KDM1A: variants seen among roughly 807,000 people sequenced by gnomAD.
KDM1A encodes the protein lysine-specific histone demethylase 1A.
In KDM1A, 49 loss-of-function variants were observed where a neutral mutation model predicts 109.4. The observed-to-expected ratio is 0.45, with a 90% confidence interval of 0.36 to 0.57. The LOEUF is 0.57. Among genes scored for constraint, KDM1A ranks in the 20% least tolerant of loss-of-function variants. The pLI, the probability that KDM1A is intolerant of heterozygous loss-of-function variation, is 0.00. For synonymous variants in KDM1A, 380 were observed against 415.4 expected, an observed-to-expected ratio of 0.91 and a Z score of 1.04; for missense variants, 668 against 1,116.6, an observed-to-expected ratio of 0.60 and a Z score of 5.73.
chr1:23,030,731 T>C, intron 2 of KDM1A, 97 bp downstream of exon 2: 2 of 1,299,554 alleles, frequency 1.5e-6, no homozygotes. Context: ...TCTTTATCTT[T>C]GGTTTATAAT....
At position 23,035,599 on chromosome 1, in the gene KDM1A, A is replaced by G. The variant is rs576605477; in HGVS notation, c.517+4965A>G. On this transcript the variant is annotated intron_variant, in intron 2 of 20. Transcript: ENST00000400181. ...ATAAATTTGGGGGCTTGTTCACATA[A>G]TAATCATACTGTAGGTTGAAAATAT... Among the ~76,000 whole-genome samples, 14 of 152,346 alleles carry G rather than the reference A, an allele frequency of 9.2e-5. No homozygotes were observed. The South Asian group carries it at 2.9e-3, about 32-fold the overall frequency.
chr1:23,061,153 G>A (rs1642988505), intron 9 of KDM1A, among the ~76,000 whole-genome samples: 1 of 152,198 alleles, frequency 6.6e-6, no homozygotes, highest in South Asian at 2.1e-4. Context: ...TTGTCCTCAG[G>A]TGGGGCCTGC....
At chr1:23,062,621 C>T (rs1643031209) in intron 9 of KDM1A, among the ~76,000 whole-genome samples, 1 of 152,116 alleles carries the variant, frequency 6.6e-6, no homozygotes, top group Admixed American at 6.6e-5. Flanking sequence ...TATTTTATGT[C>T]ATTGTTTTAA....
At position 23,071,207 on chromosome 1, in the gene KDM1A, T is replaced by G; in HGVS notation, c.1414-18T>G. 6.3e-7 allele frequency: 1 copy of G among 1,587,208 alleles called. No individual in the cohort carries two copies. The highest frequency in any genetic ancestry group is 2.2e-5 in the East Asian group (1 of 44,746). On this transcript the variant is annotated intron_variant, in intron 12 of 20. Transcript: ENST00000400181. The stretch of plus-strand genomic sequence containing the variant: ...ACATTGCTATCTGGAATGGTAAATT[T>G]GTATTTTTCCTTCTTAGATGGTAAA...
chr1:23,074,072 C>T (rs1272454318), intron 15 of KDM1A, among the ~76,000 whole-genome samples: 1 of 152,162 alleles, frequency 6.6e-6, no homozygotes, highest in Non-Finnish European at 1.5e-5. Context: ...AATTGCCTTC[C>T]CATCAGCAAT....
intron 10 of KDM1A, among the ~76,000 whole-genome samples, chr1:23,066,666 T>C (rs1266611040): frequency 6.6e-6 from 1 of 152,164 alleles, no homozygotes; most frequent in Non-Finnish European, 1.5e-5. Context: ...AAGCAACACA[T>C]AGAAATATCA....
At chr1:23,073,622 A>G (rs972917748) in intron 15 of KDM1A, among the ~76,000 whole-genome samples, 1 of 152,184 alleles carries the variant, frequency 6.6e-6, no homozygotes, top group Admixed American at 6.5e-5. Flanking sequence ...ATCATCCTGA[A>G]ATGTTTTCTC....
chr1:23,071,412 C>T, intron 13 of KDM1A, 53 bp downstream of exon 13: 1 of 1,527,092 alleles, frequency 6.5e-7, no homozygotes, highest in South Asian at 1.3e-5. Context: ...TAAGAAATAG[C>T]ACAGATCTGG....
chr1:23,068,465 A>G (rs1247530433), intron 10 of KDM1A, 74 bp from the exon 11 acceptor site: 4 of 1,244,172 alleles, frequency 3.2e-6, no homozygotes, highest in Non-Finnish European at 4.4e-6. Flanking sequence ...TATAAACTAT[A>G]GAGCATTTGT....
Position 23,083,560 on chromosome 1 carries a change from A to AGTTT in KDM1A, c.*198_*201dup. ...GAGCACAGGGAGGAACTTGTCCATT[A>AGTTT]GTTTGGAATTGTGTTCTTCGTAAAG... On this transcript the variant is annotated 3_prime_UTR_variant, in exon 21 of 21. Coordinates refer to ENST00000400181, the MANE Select transcript of KDM1A (RefSeq NM_001009999.3). The AGTTT allele has an allele frequency of 2.2e-6, 1 of 462,938 alleles. No individual in the cohort carries two copies. The highest frequency in any genetic ancestry group is 3.8e-6 in the Non-Finnish European group (1 of 261,576). The allele number at this position is 462,938 out of a possible 1,614,324, so 28.7% of individuals were successfully genotyped here. A position where few individuals can be genotyped will look rare whatever the true frequency, so the allele number is the denominator to read the frequency against.
rs967605 is a variant in KDM1A at position 23,073,439 on chromosome 1, C to T, written c.1734+36C>T. ...CTTATTGTTTATTTTATTGCACATG[C>T]CTTTGAGAGGGATTGTAAGAGAAAT... is the stretch of plus-strand genomic sequence containing the variant. On this transcript the variant is annotated intron_variant, in intron 15 of 20. Transcript: ENST00000400181. 0.8 allele frequency: 866,275 copies of T among 1,079,530 alleles called. 352,544 individuals are homozygous for T. Among genetic ancestry groups the T allele is most frequent in the Non-Finnish European group, 0.84 (584,265 of 697,520 alleles). The allele number at this position is 1,079,530 out of a possible 1,614,324, so 66.9% of individuals were successfully genotyped here. A position where few individuals can be genotyped will look rare whatever the true frequency, so the allele number is the denominator to read the frequency against.
At chr1:23,036,497 G>C (rs1014306822) in intron 2 of KDM1A, among the ~76,000 whole-genome samples, 1 of 138,228 alleles carries the variant, frequency 7.2e-6, no homozygotes, top group Non-Finnish European at 1.5e-5. Context: ...AACACATTTC[G>C]GTGTTCTGAT....
intron 2 of KDM1A, 33 bp downstream of exon 2, chr1:23,030,667 T>C: frequency 6.7e-7 from 1 of 1,489,906 alleles, no homozygotes; most frequent in East Asian, 2.4e-5. Flanking sequence ...AGTTCTGTTT[T>C]ATCTTAGAAA....
In KDM1A at chr1:23,083,365, GAC is replaced by G; in HGVS notation, c.*3_*4del. ...TGCACAGCAGTCCCCAAGCATGTGA[GAC>G]AGATGCATTCTAAGGGAAGAGGCCC... is the stretch of plus-strand genomic sequence containing the variant. On this transcript the variant is annotated 3_prime_UTR_variant, in exon 21 of 21. Transcript: ENST00000400181. 1 of 1,610,420 alleles carries G rather than the reference GAC, an allele frequency of 6.2e-7. No homozygotes were observed. Among genetic ancestry groups the G allele is most frequent in the Non-Finnish European group, 8.5e-7 (1 of 1,177,780 alleles).
At chr1:23,051,923 G>GT (rs1288729656) in intron 4 of KDM1A, among the ~76,000 whole-genome samples, 5 of 152,184 alleles carry the variant, frequency 3.3e-5, no homozygotes, top group African/African-American at 1.2e-4. Context: ...AAGATGGTGA[G>GT]TTTTTTAAAA....
intron 2 of KDM1A, among the ~76,000 whole-genome samples, chr1:23,041,338 T>TTTTAAATTTTGTTTTCCATCATTTC (rs1642324371): frequency 6.6e-6 from 1 of 151,974 alleles, no homozygotes; most frequent in Admixed American, 6.6e-5. Flanking sequence ...TTTTAAGCAC[T>TTTTAAATTTTGTTTTCCATCATTTC]TTTAAATTTT....
At chr1:23,055,903 A>C in intron 6 of KDM1A, 29 bp from the exon 7 acceptor site, 2 of 1,510,746 alleles carry the variant, frequency 1.3e-6, no homozygotes, top group South Asian at 2.4e-5. Flanking sequence ...ACCTAAAACA[A>C]AATCTTTTTT....
intron 2 of KDM1A, among the ~76,000 whole-genome samples, chr1:23,038,394 T>C (rs972095384): frequency 6.6e-6 from 1 of 152,140 alleles, no homozygotes; most frequent in Non-Finnish European, 1.5e-5. Flanking sequence ...GAGAATAATA[T>C]AATTGAAATT....
intron 3 of KDM1A, among the ~76,000 whole-genome samples, chr1:23,044,821 T>C (rs1267382764): frequency 6.6e-6 from 1 of 152,038 alleles, no homozygotes; most frequent in Non-Finnish European, 1.5e-5. Flanking sequence ...AATACAGCAG[T>C]ATACACAGAG....
Sources: gnomAD v4.1 joint callset for allele counts (sites outside exome capture counted in the v4.1 genomes callset) on GRCh38, gnomAD v4.1.1 for gene constraint, MANE v1.5 for transcripts, NCBI Gene and HGNC (gene_info 2026-07-23, HGNC 2026-07-21) for gene names.